Variants in ZNF678 observed in about 807,000 individuals in gnomAD.
ZNF678 encodes hypothetical protein MGC42493.
Under a neutral mutation model 3.0 loss-of-function variants are expected in ZNF678, and 5 were observed. The observed-to-expected ratio is 1.69, with a 90% CI of 0.88 to 3.56. ZNF678 has a LOEUF of 3.56. Among genes scored for constraint, ZNF678 ranks in the 30% most tolerant of loss-of-function variants. ZNF678 has a pLI of 0.00. For missense variants in ZNF678, 593 were observed against 605.0 expected, an observed-to-expected ratio of 0.98 and a Z score of 0.21; for synonymous variants, 218 against 199.6, an observed-to-expected ratio of 1.09 and a Z score of -0.78.
intron 1 of ZNF678, among the ~76,000 whole-genome samples, chr1:227,641,142 T>C (rs971169649): frequency 2.6e-5 from 4 of 152,328 alleles, no homozygotes; most frequent in African/African-American, 9.6e-5. Flanking sequence ...GAGTTTCCTT[T>C]GTCTGGCTGC....
At chr1:227,587,437 G>T (rs553969326) in intron 1 of ZNF678, among the ~76,000 whole-genome samples, 11 of 152,218 alleles carry the variant, frequency 7.2e-5, no homozygotes, top group African/African-American at 2.4e-4. Context: ...TGTACTTTCA[G>T]AGTCTTTAGA....
chr1:227,583,352 CTTTTTTTT>C (rs796974595), intron 1 of ZNF678, among the ~76,000 whole-genome samples: 3 of 131,914 alleles, frequency 2.3e-5, no homozygotes, highest in African/African-American at 2.8e-5. Context: ...TTTCTTTTTT[CTTTTTTTT>C]TTTTTTTTTG....
intron 1 of ZNF678, among the ~76,000 whole-genome samples, chr1:227,639,238 G>A (rs937416950): frequency 3.9e-5 from 6 of 152,242 alleles, no homozygotes; most frequent in African/African-American, 1.4e-4. Context: ...ACAGGTGCCA[G>A]CCAGGTGGAG....
chr1:227,633,322 G>A (rs1334358766), intron 1 of ZNF678, among the ~76,000 whole-genome samples: 3 of 152,182 alleles, frequency 2.0e-5, no homozygotes, highest in Non-Finnish European at 2.9e-5. Context: ...CAAAATGCCT[G>A]GGTTTATATC....
intron 1 of ZNF678, among the ~76,000 whole-genome samples, chr1:227,623,897 T>G (rs1658343716): frequency 6.6e-6 from 1 of 152,236 alleles, no homozygotes; most frequent in Non-Finnish European, 1.5e-5. Context: ...TCTGGAAGAT[T>G]TGAGGTAATA....
At chr1:227,637,628 C>G (rs60625678) in intron 1 of ZNF678, among the ~76,000 whole-genome samples, 32,012 of 151,882 alleles carry the variant, frequency 0.21, 3,510 homozygotes, top group East Asian at 0.28. Flanking sequence ...AGGACGGGGG[C>G]CTGAAATGAG....
At chr1:227,607,344 A>G (rs1047858572) in intron 1 of ZNF678, among the ~76,000 whole-genome samples, 1 of 152,184 alleles carries the variant, frequency 6.6e-6, no homozygotes, top group African/African-American at 2.4e-5. Context: ...AGAAAATAAA[A>G]CAAGGCTACA....
chr1:227,576,098 T>C (rs534700762), intron 1 of ZNF678, among the ~76,000 whole-genome samples: 1 of 152,370 alleles, frequency 6.6e-6, no homozygotes, highest in South Asian at 2.1e-4. Flanking sequence ...TAAAGCCTAC[T>C]TGATCATGGT....
chr1:227,624,459 C>T (rs1658356607), intron 1 of ZNF678, among the ~76,000 whole-genome samples: 1 of 152,206 alleles, frequency 6.6e-6, no homozygotes, highest in African/African-American at 2.4e-5. Context: ...GCATTGCCAC[C>T]TCCTTCCTCA....
chr1:227,635,515 TTGTGTGTGTG>T (rs56135481), intron 1 of ZNF678, among the ~76,000 whole-genome samples: 2,527 of 127,998 alleles, frequency 0.02, 65 homozygotes, highest in African/African-American at 0.052. Flanking sequence ...GGGTGAACAT[TTGTGTGTGTG>T]TGTGTGTGTG....
At chr1:227,587,251 ATT>A (rs33932993) in intron 1 of ZNF678, among the ~76,000 whole-genome samples, 2,910 of 148,932 alleles carry the variant, frequency 0.02, 89 homozygotes, top group African/African-American at 0.067. Flanking sequence ...AGCATGTTAG[ATT>A]TTTTTTTTTT....
intron 1 of ZNF678, among the ~76,000 whole-genome samples, chr1:227,593,777 G>GGT (rs1657482422): frequency 6.6e-6 from 1 of 151,782 alleles, no homozygotes; most frequent in Non-Finnish European, 1.5e-5. Context: ...TCTTAGCTTT[G>GGT]GTAGGGTTTT....
At chr1:227,619,898 T>C (rs1389070644) in intron 1 of ZNF678, among the ~76,000 whole-genome samples, 4 of 152,164 alleles carry the variant, frequency 2.6e-5, no homozygotes, top group Admixed American at 2.6e-4. Context: ...ATAAATAAGC[T>C]AAAATCTTAG....
In ZNF678 at chr1:227,655,029, C is replaced by T; in HGVS notation, c.779C>T (p.Thr260Ile). Residue 260 changes from threonine to isoleucine, a missense_variant, in exon 4 of 4, where the codon ACT becomes ATT. Coordinates refer to ENST00000343776, the MANE Select transcript of ZNF678 (RefSeq NM_001367909.1). ...SNLTQHKRIH[T>I]GEKPYKCEEC... ...CTTACTCAACATAAGAGAATTCATACTGGAGAGAAACCTTACAAGTGTGAA... is the reference window on the plus strand; with the variant it reads ...CTTACTCAACATAAGAGAATTCATATTGGAGAGAAACCTTACAAGTGTGAA... 6.2e-7 allele frequency: 1 copy of T among 1,612,010 alleles called. No individual in the cohort carries two copies. The highest frequency in any genetic ancestry group is 1.1e-5 in the South Asian group (1 of 90,922).
intron 1 of ZNF678, among the ~76,000 whole-genome samples, chr1:227,588,100 A>G (rs1394254281): frequency 1.3e-5 from 2 of 151,880 alleles, no homozygotes; most frequent in African/African-American, 4.8e-5. Flanking sequence ...TTCTGTTTCT[A>G]CATTAGTTTG....
intron 5 of ZNF678, among the ~76,000 whole-genome samples, chr1:227,672,671 C>A (rs867024078): frequency 4.6e-5 from 7 of 152,030 alleles, no homozygotes; most frequent in South Asian, 2.1e-4. Flanking sequence ...TTCAGCAGCT[C>A]CCCCTGACCT....
rs1002839525 is a variant in ZNF678, at chr1:227,658,134, A to G, written c.*2306A>G. On this transcript the variant is annotated 3_prime_UTR_variant, in exon 4 of 4. Transcript: ENST00000343776. ...TAGTATATTTTATTTTTGTATTTCA[A>G]TTGGAGAACCCTATTTTGGCCAATT... is the stretch of plus-strand genomic sequence containing the variant. The G allele has an allele frequency of 6.6e-6, 1 of 152,022 alleles. No individual in the cohort carries two copies. Among genetic ancestry groups the G allele is most frequent in the Non-Finnish European group, 1.5e-5 (1 of 67,932 alleles). The allele number at this position is 152,022 out of a possible 1,614,324, so 9.4% of individuals were successfully genotyped here.
At chr1:227,604,339 C>T (rs1316581682) in intron 1 of ZNF678, among the ~76,000 whole-genome samples, 1 of 152,192 alleles carries the variant, frequency 6.6e-6, no homozygotes, top group African/African-American at 2.4e-5. Flanking sequence ...CCAATGCTTA[C>T]TTTTGTTTGT....
chr1:227,613,134 T>G lies in ZNF678; in HGVS notation c.-163-33410T>G, dbSNP rs199822300. ...AAACAGCCTCCCTTTGGACTCCTTC[T>G]TGTCACCAATATCTGCCTCTGGTAC... On this transcript the variant is annotated intron_variant, in intron 1 of 3. Transcript: ENST00000343776. Among the ~76,000 whole-genome samples the G allele has an allele frequency of 7.2e-5, 11 of 152,306 alleles. No homozygotes were observed. The East Asian group carries it at 2.1e-3, about 29-fold the overall frequency.
Sources: allele counts gnomAD v4.1 joint callset (sites outside exome capture counted in the v4.1 genomes callset), GRCh38; gene constraint gnomAD v4.1.1; transcripts MANE v1.5; gene names NCBI Gene and HGNC (gene_info 2026-07-23, HGNC 2026-07-21).